Variants in SOAT2 observed in about 807,000 individuals in gnomAD.
The protein encoded by SOAT2 is sterol O-acyltransferase 2.
In SOAT2, 87 loss-of-function variants were observed where a neutral mutation model predicts 76.0. The observed-to-expected ratio is 1.14, with a 90% CI of 0.96 to 1.37. The LOEUF (loss-of-function observed/expected upper bound fraction) is 1.37, where lower values mean the gene tolerates loss of function less well. Ranked by LOEUF, SOAT2 falls within the 40% of genes most tolerant of loss-of-function variation. SOAT2 has a pLI of 0.00. For synonymous variants in SOAT2, 285 were observed against 275.4 expected (o/e 1.03, Z -0.34); for missense variants, 686 against 682.1 (o/e 1.01, Z -0.06).
rs369626307 is a variant in SOAT2, at chr12:53,121,391, A to G, written c.1226A>G (p.Asp409Gly). ...HDWLYSYVYQ[D>G]GLRLLGARAR... ...TGGCTGTACAGCTACGTGTATCAGG[A>G]TGGGCTGCGGGTATGGGCCCTGCAG... is the stretch of plus-strand genomic sequence containing the variant. The change falls in exon 12 of 15, where the codon GAT (aspartate) becomes GGT (glycine). Residue 409 changes from aspartate (D) to glycine (G), a missense_variant. Transcript: ENST00000301466. 3.1e-6 allele frequency: 5 copies of G among 1,614,000 alleles called. No homozygotes were observed. The Admixed American group carries it at 6.7e-5, about 22-fold the overall frequency.
intron 5 of SOAT2, among the ~76,000 whole-genome samples, chr12:53,110,057 T>A (rs554661400): frequency 1.3e-5 from 2 of 152,344 alleles, no homozygotes; most frequent in South Asian, 2.1e-4. Flanking sequence ...AACCTCCATC[T>A]TTATCTTACC....
chr12:53,106,055 T>TCAGAC, intron 5 of SOAT2, 41 bp downstream of exon 5: 1 of 1,452,630 alleles, frequency 6.9e-7, no homozygotes, highest in Non-Finnish European at 9.6e-7. Flanking sequence ...ACCTATCTGA[T>TCAGAC]CAGACCCTCT....
At chr12:53,108,441 G>T (rs962967419) in intron 5 of SOAT2, among the ~76,000 whole-genome samples, 1 of 144,654 alleles carries the variant, frequency 6.9e-6, no homozygotes, top group African/African-American at 2.8e-5. Flanking sequence ...ATTGTACTAT[G>T]CAAATAACTA....
At position 53,115,580 on chromosome 12, in the gene SOAT2, T is replaced by G; in HGVS notation, c.634T>G (p.Cys212Gly). ...GCTAGCCGCCCACGCCGTGGTGCTC[T>G]GCGCGCTGCCGGTCCACGTGGCCGT... ...ALLAAHAVVL[C>G]ALPVHVAVEH... Residue 212 changes from cysteine (C) to glycine (G), a missense_variant, in exon 6 of 15, where the codon TGC (cysteine) becomes GGC (glycine). Physicochemically the swap from Cys to Gly is radical, Grantham distance 159. Transcript: ENST00000301466. 1.3e-6 allele frequency: 2 copies of G among 1,583,646 alleles called. No homozygotes were observed. Among genetic ancestry groups the G allele is most frequent in the Non-Finnish European group, 1.7e-6 (2 of 1,171,164 alleles).
At position 53,103,606 on chromosome 12, in the gene SOAT2, T is replaced by G. The variant is rs1412733291; in HGVS notation, c.29T>G (p.Leu10Arg). 6.5e-7 allele frequency: 1 copy of G among 1,546,762 alleles called. No homozygotes were observed. Among genetic ancestry groups the G allele is most frequent in the African/African-American group, 1.4e-5 (1 of 72,990 alleles). Residue 10 changes from leucine to arginine, a missense_variant, in exon 1 of 15, where the codon CTG (leucine) becomes CGG (arginine). Coordinates refer to ENST00000301466, the MANE Select transcript of SOAT2 (RefSeq NM_003578.4). Reference protein sequence around the residue: MEPGGARLRLQRTEGLGGER... With the variant: MEPGGARLRRQRTEGLGGER... ...GAGCCAGGCGGGGCCCGTCTGCGTC[T>G]GCAGAGGACAGAAGGGCTGGGAGGG...
chr12:53,118,333 C>T lies in SOAT2; in HGVS notation c.779-17C>T, dbSNP rs377288990. ...TGCCCTTGCCCTTACTAATCCACCC[C>T]TCTCATTCCTCCCCAGGTGAGGGGA... On this transcript the variant is annotated splice_polypyrimidine_tract_variant and intron_variant, in intron 7 of 14. Transcript: ENST00000301466. The T allele has an allele frequency of 5.6e-6, 9 of 1,593,460 alleles. No homozygotes were observed. In the African/African-American group the frequency reaches 1.1e-4, roughly 19 times the overall value.
chr12:53,110,520 T>C (rs185373381), intron 5 of SOAT2, among the ~76,000 whole-genome samples: 31 of 152,340 alleles, frequency 2.0e-4, no homozygotes, highest in African/African-American at 7.5e-4. Flanking sequence ...TCCCTTGACT[T>C]TCTGATTTGT....
intron 12 of SOAT2, among the ~76,000 whole-genome samples, chr12:53,121,821 T>G (rs913660724): frequency 2.3e-5 from 3 of 130,362 alleles, no homozygotes; most frequent in East Asian, 4.6e-4. Context: ...TTTTTTTTTT[T>G]TTTGAGATGG....
chr12:53,112,210 C>T (rs1032740354), intron 5 of SOAT2, among the ~76,000 whole-genome samples: 3 of 151,948 alleles, frequency 2.0e-5, no homozygotes, highest in Non-Finnish European at 2.9e-5. Context: ...ATCAAGAAAA[C>T]AGAATTCAGT....
chr12:53,122,831 C>T (rs1165294530), intron 12 of SOAT2, among the ~76,000 whole-genome samples: 1 of 152,154 alleles, frequency 6.6e-6, no homozygotes, highest in Non-Finnish European at 1.5e-5. Context: ...ATGGCCCGTT[C>T]TCAATGAGCT....
Position 53,115,633 on chromosome 12 carries a change from T to C in SOAT2, c.687T>C (p.Arg229=). 2 of 1,550,574 alleles carry C rather than the reference T, an allele frequency of 1.3e-6. No homozygotes were observed. Among genetic ancestry groups the C allele is most frequent in the Non-Finnish European group, 1.7e-6 (2 of 1,154,800 alleles). The stretch of plus-strand genomic sequence containing the variant: ...AGCATCAGCTCCCGCCGGCCTCCCG[T>C]TGTGTCCTGGTCTTCGAGCAGGTGA... The part of the protein sequence containing the change: ...AVEHQLPPAS[R]CVLVFEQVRF... Residue 229 remains arginine (R), a synonymous_variant, in exon 6 of 15, where the codon CGT becomes CGC. Coordinates refer to ENST00000301466, the MANE Select transcript of SOAT2 (RefSeq NM_003578.4).
Position 53,105,187 on chromosome 12 carries a change from A to G in SOAT2, c.219A>G (p.Gln73=). The stretch of plus-strand genomic sequence containing the variant: ...ATCGGGCCATGCGGGAGGCTATACA[A>G]TCCTACCCATCACAAGACAAACCTC... ...LLDRAMREAI[Q]SYPSQDKPLP... Residue 73 remains glutamine (Q), a synonymous_variant, in exon 3 of 15, where the codon CAA becomes CAG. Coordinates refer to ENST00000301466, the MANE Select transcript of SOAT2 (RefSeq NM_003578.4). 2 of 1,597,642 alleles carry G rather than the reference A, an allele frequency of 1.3e-6. No homozygotes were observed. Among genetic ancestry groups the G allele is most frequent in the Non-Finnish European group, 8.5e-7 (1 of 1,172,246 alleles).
In SOAT2 at chr12:53,115,566, A is replaced by G. The variant is rs754396317; in HGVS notation, c.620A>G (p.His207Arg). ...CTGGGCTGTGCGCTGCTAGCCGCCC[A>G]CGCCGTGGTGCTCTGCGCGCTGCCG... ...TGLGCALLAAHAVVLCALPVH... is the reference protein window; with the variant it reads ...TGLGCALLAARAVVLCALPVH... The change falls in exon 6 of 15, where the codon CAC (histidine) becomes CGC (arginine). Residue 207 changes from histidine (H) to arginine (R), a missense_variant. His to Arg is a conservative substitution (Grantham distance 29, BLOSUM62 0). Coordinates refer to ENST00000301466, the MANE Select transcript of SOAT2 (RefSeq NM_003578.4). 1.1e-5 allele frequency: 17 copies of G among 1,590,258 alleles called. No homozygotes were observed. Among genetic ancestry groups the G allele is most frequent in the Non-Finnish European group, 1.4e-5 (17 of 1,174,388 alleles).
At chr12:53,122,486 G>C (rs58723369) in intron 12 of SOAT2, among the ~76,000 whole-genome samples, 11 of 143,680 alleles carry the variant, frequency 7.7e-5, no homozygotes, top group African/African-American at 2.8e-4. Flanking sequence ...GCGGCCTTCC[G>C]CAGTGTTTGT....
intron 5 of SOAT2, among the ~76,000 whole-genome samples, chr12:53,106,726 A>G (rs1421136243): frequency 6.6e-6 from 1 of 152,270 alleles, no homozygotes; most frequent in African/African-American, 2.4e-5. Flanking sequence ...TTTCCAGAGC[A>G]TATATACCTT....
chr12:53,118,651 A>G (rs142439811), intron 8 of SOAT2, among the ~76,000 whole-genome samples: 28 of 152,218 alleles, frequency 1.8e-4, no homozygotes, highest in African/African-American at 6.3e-4. Flanking sequence ...TGGTTTACCC[A>G]GGACTGTCTT....
At chr12:53,104,580 C>T (rs1380165538) in intron 2 of SOAT2, among the ~76,000 whole-genome samples, 2 of 152,058 alleles carry the variant, frequency 1.3e-5, no homozygotes, top group African/African-American at 2.4e-5. Flanking sequence ...AGCCTGATGA[C>T]TTGTTCCTGA....
At chr12:53,118,239 C>CCCCCCCCCCCCCTTTTT in intron 7 of SOAT2, 111 bp from the exon 8 acceptor site, 1 of 473,476 alleles carries the variant, frequency 2.1e-6, no homozygotes, top group Non-Finnish European at 3.9e-6. Context: ...TCCCCCACCC[C>CCCCCCCCCCCCCTTTTT]CACCCTATCC....
intron 12 of SOAT2, 141 bp downstream of exon 12, chr12:53,121,542 T>G (rs151234831): frequency 5.5e-4 from 360 of 651,212 alleles, no homozygotes; most frequent in Non-Finnish European, 6.7e-4. Flanking sequence ...TCTGTCCTCA[T>G]TTTCTCATTT....
Sources: gnomAD v4.1 joint callset for allele counts (sites outside exome capture counted in the v4.1 genomes callset) on GRCh38, gnomAD v4.1.1 for gene constraint, MANE v1.5 for transcripts, NCBI Gene and HGNC (gene_info 2026-07-23, HGNC 2026-07-21) for gene names.